ITGA6: variants seen among roughly 807,000 people sequenced by gnomAD.
The protein encoded by ITGA6 is integrin subunit alpha 6.
ITGA6 carries 63 observed loss-of-function variants against 133.6 expected under a neutral mutation model. The ratio of observed to expected loss-of-function variants is 0.47; its 90% CI spans 0.38 to 0.58. ITGA6 has a LOEUF of 0.58. Among genes scored for constraint, ITGA6 ranks in the 20% least tolerant of loss-of-function variants. The probability of loss-of-function intolerance (pLI) is 0.00; values close to 1 mark genes in which losing one functional copy is unlikely to be tolerated. For missense variants in ITGA6, 1,068 were observed against 1,309.4 expected (o/e 0.82, Z 2.85); for synonymous variants, 434 against 482.0 (o/e 0.90, Z 1.30).
chr2:172,502,765 A>C (rs1687398193), intron 25 of ITGA6, among the ~76,000 whole-genome samples: 1 of 152,228 alleles, frequency 6.6e-6, no homozygotes, highest in African/African-American at 2.4e-5. Flanking sequence ...ACATGGAAAT[A>C]GGAATTGCTA....
At chr2:172,489,787 C>T in intron 20 of ITGA6, 129 bp downstream of exon 20, 1 of 881,396 alleles carries the variant, frequency 1.1e-6, no homozygotes, top group Non-Finnish European at 1.8e-6. Context: ...TTGGTTGTCA[C>T]AATTTCTCTT....
At chr2:172,484,176 T>C (rs138679650) in intron 11 of ITGA6, among the ~76,000 whole-genome samples, 2 of 152,342 alleles carry the variant, frequency 1.3e-5, no homozygotes, top group East Asian at 3.9e-4. Flanking sequence ...CTCTAAAATA[T>C]ATTATTCCTC....
At chr2:172,483,933 C>T (rs1157974713) in intron 11 of ITGA6, among the ~76,000 whole-genome samples, 1 of 152,198 alleles carries the variant, frequency 6.6e-6, no homozygotes, top group African/African-American at 2.4e-5. Context: ...GCCTCAGCCT[C>T]CCGAGTAGCT....
intron 1 of ITGA6, among the ~76,000 whole-genome samples, chr2:172,431,516 C>T (rs1023559687): frequency 6.6e-6 from 1 of 152,214 alleles, no homozygotes. Context: ...GGAACAAGTT[C>T]TGGGTCCGTC....
At position 172,475,078 on chromosome 2, in the gene ITGA6, T is replaced by C; in HGVS notation, c.1136T>C (p.Ile379Thr). ...LNGTKDSMFG[I>T]AVKNIGDINQ... ...GGAACCAAAGATTCTATGTTTGGCA[T>C]TGCAGTAAAAAATATTGGAGATATT... The change falls in exon 7 of 26, where the codon ATT becomes ACT. Residue 379 changes from isoleucine (I) to threonine (T), a missense_variant. By Grantham distance (89) the Ile-to-Thr change is moderately conservative. Transcript: ENST00000684293. 2 of 1,607,648 alleles carry C rather than the reference T, an allele frequency of 1.2e-6. No individual in the cohort carries two copies. Among genetic ancestry groups the C allele is most frequent in the Middle Eastern group, 1.7e-4 (1 of 6,048 alleles).
intron 1 of ITGA6, among the ~76,000 whole-genome samples, chr2:172,445,578 G>A (rs1684729812): frequency 6.6e-6 from 1 of 151,222 alleles, no homozygotes; most frequent in African/African-American, 2.4e-5. Flanking sequence ...GAACCCGGGA[G>A]GCGGAGCTTG....
At chr2:172,456,196 G>A (rs1559126587) in intron 1 of ITGA6, among the ~76,000 whole-genome samples, 1 of 152,194 alleles carries the variant, frequency 6.6e-6, no homozygotes, top group South Asian at 2.1e-4. Flanking sequence ...ATACCTGGAG[G>A]GTCAAGCTGC....
intron 13 of ITGA6, among the ~76,000 whole-genome samples, 174 bp downstream of exon 13, chr2:172,485,438 A>G (rs2149068523): frequency 1.3e-5 from 2 of 152,372 alleles, no homozygotes; most frequent in Middle Eastern, 6.8e-3. Context: ...TTAGCAATAA[A>G]CATAAAAACA....
At chr2:172,502,624 CA>C (rs1307678380) in intron 25 of ITGA6, among the ~76,000 whole-genome samples, 2 of 152,122 alleles carry the variant, frequency 1.3e-5, no homozygotes, top group African/African-American at 2.4e-5. Context: ...AATTCTAGTA[CA>C]AAAAATACCC....
intron 9 of ITGA6, among the ~76,000 whole-genome samples, chr2:172,478,426 G>T (rs909948954): frequency 6.6e-6 from 1 of 152,174 alleles, no homozygotes; most frequent in Non-Finnish European, 1.5e-5. Context: ...CTGAATCCAC[G>T]TGGTAATGAA....
rs984633816 is a variant in ITGA6 at position 172,453,256 on chromosome 2, G to A, written c.183-12283G>A. On this transcript the variant is annotated intron_variant, in intron 1 of 25. Transcript: ENST00000684293. ...AAATCACAGTACAGGGCTGGGCGCAGTGGCTCATACCTGTAATCCCAGCAC... is the reference window on the plus strand; with the variant it reads ...AAATCACAGTACAGGGCTGGGCGCAATGGCTCATACCTGTAATCCCAGCAC... Among the ~76,000 whole-genome samples the A allele has an allele frequency of 4.6e-5, 7 of 152,016 alleles. No homozygotes were observed. In the East Asian group the frequency reaches 1.3e-3, roughly 29 times the overall value.
chr2:172,470,640 T>C (rs1053914320), intron 4 of ITGA6, among the ~76,000 whole-genome samples: 6 of 152,150 alleles, frequency 3.9e-5, no homozygotes, highest in African/African-American at 1.4e-4. Context: ...GAATGTAAAA[T>C]ATATATATCA....
intron 1 of ITGA6, among the ~76,000 whole-genome samples, chr2:172,453,825 C>G (rs1031535172): frequency 6.6e-6 from 1 of 152,222 alleles, no homozygotes; most frequent in Non-Finnish European, 1.5e-5. Flanking sequence ...CTGGCTTGTT[C>G]ATTACAAATA....
rs544002743 is a variant in ITGA6, at chr2:172,427,937, T to C, written c.149T>C (p.Met50Thr). ...AGCCTCTTCGGCTTCTCGCTGGCCATGCACTGGCAACTGCAGCCCGAGGAC... is the reference window on the plus strand; with the variant it reads ...AGCCTCTTCGGCTTCTCGCTGGCCACGCACTGGCAACTGCAGCCCGAGGAC... ...PGSLFGFSLAMHWQLQPEDKR... is the reference protein window; with the variant it reads ...PGSLFGFSLATHWQLQPEDKR... Residue 50 changes from methionine (M) to threonine (T), a missense_variant, in exon 1 of 26, where the codon ATG becomes ACG. Met to Thr is a moderately conservative substitution (Grantham distance 81). Coordinates refer to ENST00000684293, the MANE Select transcript of ITGA6 (RefSeq NM_000210.4). 120 of 1,606,520 alleles carry C rather than the reference T, an allele frequency of 7.5e-5. No homozygotes were observed. The South Asian group carries it at 9.6e-4, about 13-fold the overall frequency.
rs1185602959 is a variant in ITGA6, at chr2:172,504,254, G to A, written c.*186G>A. ...AACGAAAATGAAAGCTACTCATAGC[G>A]GGGGCCTAAAAAAAAAAAGCTTCAC... On this transcript the variant is annotated 3_prime_UTR_variant, in exon 26 of 26. Coordinates refer to ENST00000684293, the MANE Select transcript of ITGA6 (RefSeq NM_000210.4). 3.2e-6 allele frequency: 5 copies of A among 1,540,234 alleles called. No homozygotes were observed. Among genetic ancestry groups the A allele is most frequent in the South Asian group, 2.5e-5 (2 of 79,840 alleles).
At position 172,497,999 on chromosome 2, in the gene ITGA6, A is replaced by C. The variant is rs752231729; in HGVS notation, c.3013A>C (p.Lys1005Gln). 1 of 1,613,950 alleles carries C rather than the reference A, an allele frequency of 6.2e-7. No individual in the cohort carries two copies. The highest frequency in any genetic ancestry group is 1.3e-5 in the African/African-American group (1 of 75,006). The change falls in exon 24 of 26, where the codon AAG becomes CAG. Residue 1005 changes from lysine (K) to glutamine (Q), a missense_variant. Physicochemically the swap from Lys to Gln is moderately conservative, Grantham distance 53. Coordinates refer to ENST00000684293, the MANE Select transcript of ITGA6 (RefSeq NM_000210.4). The part of the protein sequence containing the change: ...TQVRVTVFPS[K>Q]TVAQYSGVPW... ...GGTTCGAGTGACTGTGTTTCCCTCA[A>C]AGACTGTAGCTCAGTATTCGGGAGT...
chr2:172,481,772 A>G (rs12465295), intron 11 of ITGA6, among the ~76,000 whole-genome samples: 13,122 of 152,210 alleles, frequency 0.086, 1,387 homozygotes, highest in East Asian at 0.51. Flanking sequence ...TTTTTGATGC[A>G]GCCGGCATTT....
At chr2:172,451,883 AG>A (rs1685017577) in intron 1 of ITGA6, among the ~76,000 whole-genome samples, 1 of 151,976 alleles carries the variant, frequency 6.6e-6, no homozygotes, top group Non-Finnish European at 1.5e-5. Context: ...CGAGGGACAG[AG>A]GGGAGTGGTG....
At chr2:172,470,431 G>A (rs183593436) in intron 4 of ITGA6, among the ~76,000 whole-genome samples, 1 of 150,634 alleles carries the variant, frequency 6.6e-6, no homozygotes, top group Non-Finnish European at 1.5e-5. Flanking sequence ...TGGTTTACCT[G>A]CTTTATAAAC....
Sources: allele counts gnomAD v4.1 joint callset (sites outside exome capture counted in the v4.1 genomes callset), GRCh38; gene constraint gnomAD v4.1.1; transcripts MANE v1.5; gene names NCBI Gene and HGNC (gene_info 2026-07-23, HGNC 2026-07-21).